RFTN1: variants seen among roughly 807,000 people sequenced by gnomAD.
The protein encoded by RFTN1 is raftlin.
In RFTN1, 26 loss-of-function variants were observed where a neutral mutation model predicts 46.5. The observed-to-expected ratio is 0.56, with a 90% CI of 0.41 to 0.78. The LOEUF is 0.78. RFTN1 is among the 30% of genes least tolerant of loss of function. The pLI, the probability that RFTN1 is intolerant of heterozygous loss-of-function variation, is 0.00. For missense variants in RFTN1, 693 were observed against 718.7 expected (o/e 0.96, Z 0.41); for synonymous variants, 261 against 284.2 (o/e 0.92, Z 0.82).
At chr3:16,319,037 CA>C (rs2068744644) in intron 9 of RFTN1, among the ~76,000 whole-genome samples, 1 of 152,202 alleles carries the variant, frequency 6.6e-6, no homozygotes, top group African/African-American at 2.4e-5. Flanking sequence ...ACCAAGCCTC[CA>C]TAGTTTCCAG....
In RFTN1 at chr3:16,341,548, A is replaced by G. The variant is rs7615111; in HGVS notation, c.1147-14672T>C. ...TGAAAGAAGCCAACTGGAAAAGGCT[A>G]CATACTGTATGGGAACTCTGTAGAT... On this transcript the variant is annotated intron_variant, in intron 7 of 9. Transcript: ENST00000334133. The surrounding 1 kb of genome is among the most constrained non-coding windows in gnomAD (Gnocchi z 4.7). Among the ~76,000 whole-genome samples the G allele has an allele frequency of 0.012, 1,844 of 152,302 alleles. 25 individuals carry two copies. Among genetic ancestry groups the G allele is most frequent in the African/African-American group, 0.042 (1,736 of 41,560 alleles).
intron 6 of RFTN1, among the ~76,000 whole-genome samples, chr3:16,362,259 C>T (rs690343): frequency 0.53 from 80,396 of 151,992 alleles, 21,467 homozygotes; most frequent in Middle Eastern, 0.62. Flanking sequence ...TCTTGTTTCC[C>T]ATCCTGAGAG....
intron 5 of RFTN1, among the ~76,000 whole-genome samples, 170 bp downstream of exon 5, chr3:16,377,548 A>G (rs1313194780): frequency 6.6e-6 from 1 of 152,232 alleles, no homozygotes; most frequent in African/African-American, 2.4e-5. Flanking sequence ...TTCAGTAAGT[A>G]AACAGTCAGG....
chr3:16,506,716 G>A lies in RFTN1; in HGVS notation c.-9+6726C>T, dbSNP rs1310836358. ...AGTAGGCCGCTGGATGTACCATTTC[G>A]AGTTCAGAGGAGAGCTCCACAGCTC... On this transcript the variant is annotated intron_variant, in intron 1 of 9. Coordinates refer to ENST00000334133, the MANE Select transcript of RFTN1 (RefSeq NM_015150.2). This position sits in a 1 kb window ranked among gnomAD's most constrained non-coding sequence, Gnocchi z 4.8. Among the ~76,000 whole-genome samples the A allele has an allele frequency of 6.6e-6, 1 of 151,850 alleles. No homozygotes were observed. Among genetic ancestry groups the A allele is most frequent in the Admixed American group, 6.6e-5 (1 of 15,256 alleles).
intron 4 of RFTN1, among the ~76,000 whole-genome samples, chr3:16,391,125 A>G (rs1366772709): frequency 6.6e-6 from 1 of 151,716 alleles, no homozygotes; most frequent in Non-Finnish European, 1.5e-5. Flanking sequence ...TAACACCTCC[A>G]TCACCCTCAT....
chr3:16,332,078 A>T (rs1408925519), intron 7 of RFTN1, among the ~76,000 whole-genome samples: 1 of 152,130 alleles, frequency 6.6e-6, no homozygotes, highest in East Asian at 1.9e-4. Context: ...ATTTCATGAC[A>T]ATGTGCTTTG....
chr3:16,319,438 A>G (rs186345666), intron 9 of RFTN1, among the ~76,000 whole-genome samples: 1 of 152,214 alleles, frequency 6.6e-6, no homozygotes, highest in African/African-American at 2.4e-5. Context: ...ACTCATCTCT[A>G]AAATGGTTGT....
intron 7 of RFTN1, among the ~76,000 whole-genome samples, chr3:16,354,718 G>T (rs949547291): frequency 3.3e-5 from 5 of 152,218 alleles, no homozygotes; most frequent in Non-Finnish European, 5.9e-5. Context: ...GCCAGGCTGA[G>T]AATTTTCACA....
At position 16,504,937 on chromosome 3, in the gene RFTN1, C is replaced by CA. The variant is rs1234158174; in HGVS notation, c.-9+8504dup. 6.6e-6 allele frequency among the ~76,000 whole-genome samples: 1 copy of CA among 152,188 alleles called. No individual in the cohort carries two copies. Among genetic ancestry groups the CA allele is most frequent in the African/African-American group, 2.4e-5 (1 of 41,434 alleles). On this transcript the variant is annotated intron_variant, in intron 1 of 9. Coordinates refer to ENST00000334133, the MANE Select transcript of RFTN1 (RefSeq NM_015150.2). The surrounding 1 kb of genome is among the most constrained non-coding windows in gnomAD (Gnocchi z 4.4). ...TCTCTGGGTGGTACCACTGCCCTCC[C>CA]AACATCCAGGCCCAAAACCCCAGTA...
Position 16,385,132 on chromosome 3 carries a change from A to G in RFTN1, c.442-7030T>C, listed in dbSNP as rs1236249860. ...GGAGCCCACAGCAGAGGCATGCCCTAGGTGTCAAGAACAGGTACAAAAATG... is the reference window on the plus strand; with the variant it reads ...GGAGCCCACAGCAGAGGCATGCCCTGGGTGTCAAGAACAGGTACAAAAATG... On this transcript the variant is annotated intron_variant, in intron 4 of 9. Transcript: ENST00000334133. This position sits in a 1 kb window ranked among gnomAD's most constrained non-coding sequence, Gnocchi z 5.0. Among the ~76,000 whole-genome samples the G allele has an allele frequency of 6.6e-6, 1 of 152,192 alleles. No individual in the cohort carries two copies. The highest frequency in any genetic ancestry group is 2.4e-5 in the African/African-American group (1 of 41,452).
chr3:16,356,451 C>G lies in RFTN1; in HGVS notation c.1146+1481G>C, dbSNP rs2072440302. Among the ~76,000 whole-genome samples, 1 of 152,154 alleles carries G rather than the reference C, an allele frequency of 6.6e-6. No homozygotes were observed. Among genetic ancestry groups the G allele is most frequent in the Non-Finnish European group, 1.5e-5 (1 of 68,034 alleles). On this transcript the variant is annotated intron_variant, in intron 7 of 9. Transcript: ENST00000334133. This position sits in a 1 kb window ranked among gnomAD's most constrained non-coding sequence, Gnocchi z 4.9. Reference sequence around the variant, plus strand: ...CTTTGGGTACTCCATTGCTATCACACTTGCAAGCAGTTATTTCTCATCCCT... The same window carrying G: ...CTTTGGGTACTCCATTGCTATCACAGTTGCAAGCAGTTATTTCTCATCCCT...
At position 16,455,448 on chromosome 3, in the gene RFTN1, A is replaced by G. The variant is rs553922001; in HGVS notation, c.146-21411T>C. Among the ~76,000 whole-genome samples, 3 of 152,316 alleles carry G rather than the reference A, an allele frequency of 2.0e-5. No homozygotes were observed. In the South Asian group the frequency reaches 6.2e-4, roughly 32 times the overall value. On this transcript the variant is annotated intron_variant, in intron 2 of 9. Coordinates refer to ENST00000334133, the MANE Select transcript of RFTN1 (RefSeq NM_015150.2). ...GGCAGGAAAACAAAACCCTAGGATG[A>G]CAAGCATGCAAATTAACACTGAAAC...
intron 6 of RFTN1, among the ~76,000 whole-genome samples, chr3:16,367,925 T>C (rs1304540923): frequency 6.6e-6 from 1 of 152,104 alleles, no homozygotes; most frequent in Non-Finnish European, 1.5e-5. Flanking sequence ...CTAGTTTTCC[T>C]AAGAGGGGAA....
rs1301077062 is a variant in RFTN1 at position 16,341,542 on chromosome 3, A to G, written c.1147-14666T>C. ...ACTAAGTGAAAGAAGCCAACTGGAAAAGGCTACATACTGTATGGGAACTCT... is the reference window on the plus strand; with the variant it reads ...ACTAAGTGAAAGAAGCCAACTGGAAGAGGCTACATACTGTATGGGAACTCT... On this transcript the variant is annotated intron_variant, in intron 7 of 9. Transcript: ENST00000334133. The surrounding 1 kb of genome is among the most constrained non-coding windows in gnomAD (Gnocchi z 4.7). 2.0e-5 allele frequency among the ~76,000 whole-genome samples: 3 copies of G among 152,220 alleles called. No individual in the cohort carries two copies. The highest frequency in any genetic ancestry group is 4.4e-5 in the Non-Finnish European group (3 of 68,034).
Position 16,383,822 on chromosome 3 carries a change from A to G in RFTN1, c.442-5720T>C, listed in dbSNP as rs1180216541. On this transcript the variant is annotated intron_variant, in intron 4 of 9. Coordinates refer to ENST00000334133, the MANE Select transcript of RFTN1 (RefSeq NM_015150.2). The surrounding 1 kb of genome is among the most constrained non-coding windows in gnomAD (Gnocchi z 4.0). ...CAGGTCAATAGGGATTGGAGTGTCCACAGCCTGTAGTAGATAGCATGGGTA... is the reference window on the plus strand; with the variant it reads ...CAGGTCAATAGGGATTGGAGTGTCCGCAGCCTGTAGTAGATAGCATGGGTA... Among the ~76,000 whole-genome samples the G allele has an allele frequency of 2.0e-5, 3 of 152,176 alleles. No homozygotes were observed. Among genetic ancestry groups the G allele is most frequent in the Admixed American group, 2.0e-4 (3 of 15,284 alleles).
Position 16,424,032 on chromosome 3 carries a change from T to C in RFTN1, c.332+9819A>G, listed in dbSNP as rs2075244367. Among the ~76,000 whole-genome samples the C allele has an allele frequency of 6.6e-6, 1 of 152,192 alleles. No homozygotes were observed. The highest frequency in any genetic ancestry group is 2.1e-4 in the South Asian group (1 of 4,824). On this transcript the variant is annotated intron_variant, in intron 3 of 9. Transcript: ENST00000334133. This position sits in a 1 kb window ranked among gnomAD's most constrained non-coding sequence, Gnocchi z 4.7. ...CTGAATGGGGCCATTTGGGGAGCTC[T>C]AAGTGGTTTGCAGTTGTAGCCCTAT... is the stretch of plus-strand genomic sequence containing the variant.
chr3:16,432,733 G>A (rs113685566), intron 3 of RFTN1, among the ~76,000 whole-genome samples: 2 of 152,264 alleles, frequency 1.3e-5, no homozygotes, highest in African/African-American at 4.8e-5. Context: ...GGCAGACACT[G>A]AGAAAAGTCT....
rs1035203781 is a variant in RFTN1 at position 16,413,391 on chromosome 3, A to G, written c.333-3908T>C. On this transcript the variant is annotated intron_variant, in intron 3 of 9. Transcript: ENST00000334133. The surrounding 1 kb of genome is among the most constrained non-coding windows in gnomAD (Gnocchi z 4.7). ...GGAATAAATATTCCGCTATCAATCT[A>G]GTTTCTATGGAAGAAGCATTAACCT... Among the ~76,000 whole-genome samples the G allele has an allele frequency of 9.2e-5, 14 of 152,218 alleles. No homozygotes were observed. The highest frequency in any genetic ancestry group is 1.8e-4 in the Non-Finnish European group (12 of 68,040).
In RFTN1 at chr3:16,341,429, A is replaced by C. The variant is rs1410421010; in HGVS notation, c.1147-14553T>G. ...AGATGCCCTTCAGTAACTGACAGAG[A>C]AACTGCAGTGGAACCATACAATGAA... On this transcript the variant is annotated intron_variant, in intron 7 of 9. Coordinates refer to ENST00000334133, the MANE Select transcript of RFTN1 (RefSeq NM_015150.2). The surrounding 1 kb of genome is among the most constrained non-coding windows in gnomAD (Gnocchi z 4.7). Among the ~76,000 whole-genome samples, 1 of 152,222 alleles carries C rather than the reference A, an allele frequency of 6.6e-6. No homozygotes were observed. Among genetic ancestry groups the C allele is most frequent in the Non-Finnish European group, 1.5e-5 (1 of 68,044 alleles).
Sources: gnomAD v4.1 joint callset for allele counts (sites outside exome capture counted in the v4.1 genomes callset) on GRCh38, gnomAD v4.1.1 for gene constraint, Gnocchi (gnomAD v3.1) non-coding constraint, MANE v1.5 for transcripts, NCBI Gene and HGNC (gene_info 2026-07-23, HGNC 2026-07-21) for gene names.